Variants in FGF14 observed in about 807,000 individuals in gnomAD.
The protein encoded by FGF14 is fibroblast growth factor homologous factor 4.
In FGF14, 5 loss-of-function variants were observed where a neutral mutation model predicts 25.5. The ratio of observed to expected loss-of-function variants is 0.20; its 90% CI spans 0.10 to 0.41. FGF14 has a LOEUF of 0.41. Among genes scored for constraint, FGF14 ranks in the 10% least tolerant of loss-of-function variants. The probability of loss-of-function intolerance (pLI) is 1.00; values close to 1 mark genes in which losing one functional copy is unlikely to be tolerated. For missense variants in FGF14, 222 were observed against 320.1 expected, an observed-to-expected ratio of 0.69 and a Z score of 2.34; for synonymous variants, 138 against 118.3, an observed-to-expected ratio of 1.17 and a Z score of -1.08.
chr13:101,732,988 G>A (rs1179184291), intron 3 of FGF14, among the ~76,000 whole-genome samples: 1 of 151,996 alleles, frequency 6.6e-6, no homozygotes, highest in East Asian at 1.9e-4. Flanking sequence ...AAAATCAATT[G>A]TATCCTTTAA....
chr13:102,333,935 T>C (rs1385338503), intron 1 of FGF14, among the ~76,000 whole-genome samples: 1 of 152,128 alleles, frequency 6.6e-6, no homozygotes, highest in Non-Finnish European at 1.5e-5. Context: ...TTTCACCACT[T>C]TTCCCTGGCT....
In FGF14 at chr13:102,316,420, T is replaced by C. The variant is rs571710160; in HGVS notation, c.208+85051A>G. Among the ~76,000 whole-genome samples, 18 of 152,234 alleles carry C rather than the reference T, an allele frequency of 1.2e-4. No homozygotes were observed. In the South Asian group the frequency reaches 2.1e-3, roughly 17 times the overall value. On this transcript the variant is annotated intron_variant, in intron 1 of 4. Transcript: ENST00000376131. ...GAATATTTCTACATAGACCAAAATA[T>C]CACACTGTACCCCATACATATATAC...
chr13:101,789,633 G>A (rs2040115913), intron 3 of FGF14, among the ~76,000 whole-genome samples: 1 of 152,060 alleles, frequency 6.6e-6, no homozygotes, highest in Non-Finnish European at 1.5e-5. Flanking sequence ...AGGTTCATGG[G>A]TTCTCCAACT....
chr13:102,187,669 C>A (rs1047904111), intron 1 of FGF14, among the ~76,000 whole-genome samples: 9 of 152,058 alleles, frequency 5.9e-5, no homozygotes, highest in Admixed American at 5.9e-4. Flanking sequence ...TGAGGACAGA[C>A]AAAACAGACA....
chr13:102,038,283 G>A (rs1566604891), intron 1 of FGF14, among the ~76,000 whole-genome samples: 1 of 152,114 alleles, frequency 6.6e-6, no homozygotes, highest in Non-Finnish European at 1.5e-5. Flanking sequence ...CAGTGTAACA[G>A]TTTGTCTTGG....
At chr13:101,827,439 G>T (rs2042442262) in intron 3 of FGF14, among the ~76,000 whole-genome samples, 1 of 151,722 alleles carries the variant, frequency 6.6e-6, no homozygotes, top group East Asian at 1.9e-4. Flanking sequence ...TTTTATATTT[G>T]TATTTTAAAG....
At position 101,877,170 on chromosome 13, in the gene FGF14, ATGC is replaced by A. The variant is rs1228674131; in HGVS notation, c.194-1877_194-1875del. Among the ~76,000 whole-genome samples the A allele has an allele frequency of 2.2e-4, 33 of 152,252 alleles. 1 individual carries two copies. Among genetic ancestry groups the A allele is most frequent in the Non-Finnish European group, 1.5e-5 (1 of 68,016 alleles). Reference sequence around the variant, plus strand: ...TACCCACCCACTCACACGCGCCCTCATGCTTATACAGAGAGATTTGGGATTATG... The same window carrying A: ...TACCCACCCACTCACACGCGCCCTCATTATACAGAGAGATTTGGGATTATG... On this transcript the variant is annotated intron_variant, in intron 1 of 4. Coordinates refer to ENST00000376143, the MANE Select transcript of FGF14 (RefSeq NM_004115.4).
intron 1 of FGF14, among the ~76,000 whole-genome samples, chr13:101,954,839 T>C (rs937992134): frequency 5.3e-5 from 8 of 152,198 alleles, no homozygotes; most frequent in African/African-American, 1.7e-4. Flanking sequence ...GAAATCAGTA[T>C]TGGAAGTGGC....
intron 3 of FGF14, among the ~76,000 whole-genome samples, chr13:101,804,863 C>T (rs2041111767): frequency 6.6e-6 from 1 of 152,014 alleles, no homozygotes; most frequent in African/African-American, 2.4e-5. Flanking sequence ...ATTAATGGTG[C>T]CTGGATACCC....
chr13:102,151,125 G>A (rs2140502613), intron 1 of FGF14, among the ~76,000 whole-genome samples: 1 of 152,254 alleles, frequency 6.6e-6, no homozygotes, highest in South Asian at 2.1e-4. Flanking sequence ...AATGCTATTG[G>A]AAAACTTCAT....
intron 1 of FGF14, among the ~76,000 whole-genome samples, chr13:102,349,891 T>C (rs780650437): frequency 3.9e-5 from 6 of 152,202 alleles, no homozygotes; most frequent in Admixed American, 1.3e-4. Flanking sequence ...ATGGAAATGA[T>C]GAACCTCATT....
chr13:102,313,001 C>T (rs913177646), intron 1 of FGF14, among the ~76,000 whole-genome samples: 2 of 152,176 alleles, frequency 1.3e-5, no homozygotes, highest in South Asian at 2.1e-4. Context: ...TTCTCCTCCT[C>T]CTGTAGCGGA....
intron 1 of FGF14, among the ~76,000 whole-genome samples, chr13:101,954,562 A>G (rs190595091): frequency 1.3e-5 from 2 of 152,348 alleles, no homozygotes; most frequent in African/African-American, 4.8e-5. Context: ...TATGGTTTTC[A>G]TCCTTCTGTT....
chr13:102,255,496 A>G (rs1174971630), intron 1 of FGF14, among the ~76,000 whole-genome samples: 1 of 152,250 alleles, frequency 6.6e-6, no homozygotes, highest in Non-Finnish European at 1.5e-5. Flanking sequence ...AGATTTATAA[A>G]TCAGGAAAGA....
intron 1 of FGF14, among the ~76,000 whole-genome samples, chr13:101,994,201 T>A (rs779977060): frequency 9.2e-5 from 14 of 152,026 alleles, no homozygotes; most frequent in Non-Finnish European, 1.5e-4. Context: ...TTCCAATGAT[T>A]GTTGGTTCTA....
At chr13:101,935,143 A>G (rs1165460145) in intron 1 of FGF14, among the ~76,000 whole-genome samples, 3 of 152,252 alleles carry the variant, frequency 2.0e-5, no homozygotes, top group South Asian at 4.1e-4. Context: ...ATTTCTTACT[A>G]AAGTTGAAAT....
intron 1 of FGF14, among the ~76,000 whole-genome samples, chr13:102,137,354 C>T (rs1457171833): frequency 6.6e-6 from 1 of 152,306 alleles, no homozygotes; most frequent in East Asian, 1.9e-4. Flanking sequence ...ATACTCCGGA[C>T]AAGCAAATAA....
chr13:101,860,521 T>C (rs569584370), intron 3 of FGF14, among the ~76,000 whole-genome samples: 115 of 152,194 alleles, frequency 7.6e-4, no homozygotes, highest in African/African-American at 2.6e-3. Context: ...GGGAAAGTAG[T>C]TTAGACCTTG....
intron 1 of FGF14, among the ~76,000 whole-genome samples, chr13:102,083,949 A>G (rs528797414): frequency 1.3e-5 from 2 of 152,322 alleles, no homozygotes; most frequent in Admixed American, 1.3e-4. Context: ...CAAAATCTCT[A>G]TATCCTTGAA....
Sources: allele counts gnomAD v4.1 joint callset (sites outside exome capture counted in the v4.1 genomes callset), GRCh38; gene constraint gnomAD v4.1.1; transcripts MANE v1.5; gene names NCBI Gene and HGNC (gene_info 2026-07-23, HGNC 2026-07-21).